The following C14orf132 variants were observed in gnomAD, a reference collection of about 807,000 sequenced individuals.
C14orf132 encodes the protein uncharacterized protein C14orf132.
A neutral mutation model predicts 5.8 loss-of-function variants in C14orf132; 6 were observed. The observed-to-expected ratio is 1.03, with a 90% CI of 0.57 to 2.04. The LOEUF (loss-of-function observed/expected upper bound fraction) is 2.04. Ranked by LOEUF, C14orf132 falls within the 30% of genes most tolerant of loss-of-function variation. The pLI is 0.00. For missense variants in C14orf132, 125 were observed against 115.8 expected (o/e 1.08, Z -0.37); for synonymous variants, 51 against 49.8 (o/e 1.02, Z -0.10).
At chr14:96,078,206 C>T (rs1424367925) in intron 1 of C14orf132, among the ~76,000 whole-genome samples, 1 of 152,242 alleles carries the variant, frequency 6.6e-6, no homozygotes, top group East Asian at 1.9e-4. Flanking sequence ...TTCCTCTGGC[C>T]AGCGGAACTG....
In C14orf132 at chr14:96,049,817, T is replaced by C. The variant is rs116083034; in HGVS notation, c.27+10290T>C. On this transcript the variant is annotated intron_variant, in intron 1 of 1. Coordinates refer to ENST00000555004, the MANE Select transcript of C14orf132 (RefSeq NM_001252507.3). ...TTGTGTTTTATTTGGATAGTTATTA[T>C]TGATATGTCTTCAAGTTAACAAGGT... 3.3e-3 allele frequency among the ~76,000 whole-genome samples: 502 copies of C among 150,694 alleles called. 2 individuals are homozygous for C. Among genetic ancestry groups the C allele is most frequent in the African/African-American group, 0.012 (474 of 41,044 alleles).
In C14orf132 at chr14:96,076,291, T is replaced by C. The variant is rs955837493; in HGVS notation, c.28-10220T>C. 6.6e-5 allele frequency among the ~76,000 whole-genome samples: 10 copies of C among 152,348 alleles called. No individual in the cohort carries two copies. In the East Asian group the frequency reaches 9.6e-4, roughly 15 times the overall value. ...CAATATCCCTTTTCCATTTCTGATA[T>C]TGGTAATTTGTGTTTTCTCCCTTCT... On this transcript the variant is annotated intron_variant, in intron 1 of 1. Transcript: ENST00000555004.
chr14:96,072,215 C>G (rs11621816), intron 1 of C14orf132, among the ~76,000 whole-genome samples: 72,775 of 152,120 alleles, frequency 0.48, 17,954 homozygotes, highest in East Asian at 0.62. Flanking sequence ...ACAGTGATCT[C>G]TGCTATGGGC....
chr14:96,076,311 C>T lies in C14orf132; in HGVS notation c.28-10200C>T, dbSNP rs571844263. The stretch of plus-strand genomic sequence containing the variant: ...TGATATTGGTAATTTGTGTTTTCTC[C>T]CTTCTTGCTCAGCCTGGCGAGAGGT... On this transcript the variant is annotated intron_variant, in intron 1 of 1. Transcript: ENST00000555004. 5.9e-5 allele frequency among the ~76,000 whole-genome samples: 9 copies of T among 152,188 alleles called. No individual in the cohort carries two copies. The East Asian group carries it at 1.7e-3, about 29-fold the overall frequency.
At chr14:96,085,027 A>T (rs1888138497) in intron 1 of C14orf132, among the ~76,000 whole-genome samples, 1 of 152,218 alleles carries the variant, frequency 6.6e-6, no homozygotes, top group Non-Finnish European at 1.5e-5. Flanking sequence ...ATGGGGCTGC[A>T]TGCAGAGCCG....
rs1019388723 is a variant in C14orf132, at chr14:96,044,361, G to A, written c.27+4834G>A. 5.3e-5 allele frequency among the ~76,000 whole-genome samples: 8 copies of A among 152,250 alleles called. No individual in the cohort carries two copies. The South Asian group carries it at 1.7e-3, about 32-fold the overall frequency. ...GCTAGTCTTTTAAAAATTATCTTTA[G>A]TAGAAATGAGGTCTCATTATATTGC... is the stretch of plus-strand genomic sequence containing the variant. On this transcript the variant is annotated intron_variant, in intron 1 of 1. Transcript: ENST00000555004.
intron 1 of C14orf132, among the ~76,000 whole-genome samples, chr14:96,041,718 C>T (rs76198080): frequency 0.012 from 1,861 of 152,342 alleles, 26 homozygotes; most frequent in Admixed American, 0.036. Context: ...TGCAGTCTTT[C>T]CCTCAGCAGG....
At position 96,090,993 on chromosome 14, in the gene C14orf132, C is replaced by A. The variant is rs1296782636; in HGVS notation, c.*4258C>A. On this transcript the variant is annotated 3_prime_UTR_variant, in exon 2 of 2. Coordinates refer to ENST00000555004, the MANE Select transcript of C14orf132 (RefSeq NM_001252507.3). Reference sequence around the variant, plus strand: ...GCCAGTTTTGCACATCTTTTTGTTGCTCTATTTGTGTCTCATTTACTTCTC... The same window carrying A: ...GCCAGTTTTGCACATCTTTTTGTTGATCTATTTGTGTCTCATTTACTTCTC... 2 of 456,128 alleles carry A rather than the reference C, an allele frequency of 4.4e-6. No individual in the cohort carries two copies. The highest frequency in any genetic ancestry group is 1.4e-4 in the East Asian group (2 of 14,402). The allele number at this position is 456,128 out of a possible 1,614,324, so 28.3% of individuals were successfully genotyped here.
At chr14:96,073,150 GT>G (rs34019892) in intron 1 of C14orf132, among the ~76,000 whole-genome samples, 7 of 150,266 alleles carry the variant, frequency 4.7e-5, no homozygotes, top group Admixed American at 6.6e-5. Flanking sequence ...GGAACATCAG[GT>G]TTTTTTTTTA....
At position 96,039,547 on chromosome 14, in the gene C14orf132, AC is replaced by A; in HGVS notation, c.27+21del. On this transcript the variant is annotated intron_variant, in intron 1 of 1. Transcript: ENST00000555004. This position sits in a 1 kb window ranked among gnomAD's most constrained non-coding sequence, Gnocchi z 5.3. The stretch of plus-strand genomic sequence containing the variant: ...GCGCAGGTAACGGGGCGTCCCCCCC[AC>A]GCGCCCCGGGCCGCCAAGTTTGGGG... The A allele has an allele frequency of 6.7e-7, 1 of 1,496,636 alleles. No individual in the cohort carries two copies. Among genetic ancestry groups the A allele is most frequent in the Non-Finnish European group, 8.9e-7 (1 of 1,125,580 alleles). 92.7% of individuals were successfully genotyped at this position (1,496,636 alleles called of 1,614,324 possible).
chr14:96,063,384 C>A (rs942209), intron 1 of C14orf132, among the ~76,000 whole-genome samples: 82,594 of 151,972 alleles, frequency 0.54, 23,270 homozygotes, highest in East Asian at 0.72. Flanking sequence ...TCTTGGCTCA[C>A]TGTAACGTCT....
At chr14:96,076,709 G>C (rs1438990876) in intron 1 of C14orf132, among the ~76,000 whole-genome samples, 1 of 152,216 alleles carries the variant, frequency 6.6e-6, no homozygotes, top group Non-Finnish European at 1.5e-5. Context: ...TGCAGCCCGT[G>C]GGTTGTGGGT....
chr14:96,060,194 C>T (rs949220819), intron 1 of C14orf132, among the ~76,000 whole-genome samples: 1 of 152,190 alleles, frequency 6.6e-6, no homozygotes, highest in Non-Finnish European at 1.5e-5. Flanking sequence ...ATTTGTGGAG[C>T]TGATCGGCTG....
At position 96,039,654 on chromosome 14, in the gene C14orf132, C is replaced by T. The variant is rs1886630049; in HGVS notation, c.27+127C>T. ...CGCGATCCGCGTCCCGGTCCTTTGT[C>T]CCGAGCCGGACACCCCCACTTGGTG... On this transcript the variant is annotated intron_variant, in intron 1 of 1. Coordinates refer to ENST00000555004, the MANE Select transcript of C14orf132 (RefSeq NM_001252507.3). This position sits in a 1 kb window ranked among gnomAD's most constrained non-coding sequence, Gnocchi z 5.3. 1 of 1,034,416 alleles carries T rather than the reference C, an allele frequency of 9.7e-7. No homozygotes were observed. The highest frequency in any genetic ancestry group is 1.3e-6 in the Non-Finnish European group (1 of 778,398). 64.1% of individuals were successfully genotyped at this position (1,034,416 alleles called of 1,614,324 possible). A position where few individuals can be genotyped will look rare whatever the true frequency, so the allele number is the denominator to read the frequency against.
rs979510471 is a variant in C14orf132 at position 96,086,867 on chromosome 14, C to A, written c.*132C>A. 25 of 868,674 alleles carry A rather than the reference C, an allele frequency of 2.9e-5. No individual in the cohort carries two copies. In the African/African-American group the frequency reaches 3.9e-4, roughly 14 times the overall value. 53.8% of individuals were successfully genotyped at this position (868,674 alleles called of 1,614,324 possible). A position where few individuals can be genotyped will look rare whatever the true frequency, so the allele number is the denominator to read the frequency against. On this transcript the variant is annotated 3_prime_UTR_variant, in exon 2 of 2. Coordinates refer to ENST00000555004, the MANE Select transcript of C14orf132 (RefSeq NM_001252507.3). ...GGCGGCGGCCGTCCTTCTGGAATTT[C>A]TCCCCAGCAGCCCTGATTTCAAATA... is the stretch of plus-strand genomic sequence containing the variant.
chr14:96,063,797 G>T (rs1887433793), intron 1 of C14orf132, among the ~76,000 whole-genome samples: 1 of 151,972 alleles, frequency 6.6e-6, no homozygotes, highest in African/African-American at 2.4e-5. Flanking sequence ...CCACAGAGTG[G>T]GAGAAAATCT....
At chr14:96,071,612 A>C (rs747742950) in intron 1 of C14orf132, among the ~76,000 whole-genome samples, 2 of 152,206 alleles carry the variant, frequency 1.3e-5, no homozygotes, top group Non-Finnish European at 2.9e-5. Flanking sequence ...GTCTTTGGCC[A>C]GCTTGCCACA....
chr14:96,043,024 A>G (rs1013132654), intron 1 of C14orf132, among the ~76,000 whole-genome samples: 1 of 152,206 alleles, frequency 6.6e-6, no homozygotes, highest in Non-Finnish European at 1.5e-5. Flanking sequence ...AGGATCACGC[A>G]TGTTCAAAGA....
chr14:96,071,770 C>T (rs1887716212), intron 1 of C14orf132, among the ~76,000 whole-genome samples: 1 of 152,244 alleles, frequency 6.6e-6, no homozygotes, highest in Non-Finnish European at 1.5e-5. Context: ...AGAAGACCAG[C>T]CCCAGGGGGA....
Sources: allele counts gnomAD v4.1 joint callset (sites outside exome capture counted in the v4.1 genomes callset), GRCh38; gene constraint gnomAD v4.1.1; non-coding constraint Gnocchi (gnomAD v3.1); transcripts MANE v1.5; gene names NCBI Gene and HGNC (gene_info 2026-07-23, HGNC 2026-07-21).